Variants in XKR7 observed in about 807,000 individuals in gnomAD.
XKR7 encodes XK related 7.
In XKR7, 11 loss-of-function variants were observed where a neutral mutation model predicts 42.2. That is an observed-to-expected ratio of 0.26 (90% CI 0.16 to 0.43). The LOEUF (loss-of-function observed/expected upper bound fraction) is 0.43, where lower values mean the gene tolerates loss of function less well. XKR7 is among the 20% of genes least tolerant of loss of function. XKR7 has a pLI of 1.00. For missense variants in XKR7, 710 were observed against 802.2 expected (o/e 0.89, Z 1.39); for synonymous variants, 346 against 366.4 (o/e 0.94, Z 0.64).
At chr20:31,996,257 C>A (rs1254285528) in intron 2 of XKR7, among the ~76,000 whole-genome samples, 1 of 151,884 alleles carries the variant, frequency 6.6e-6, no homozygotes. Flanking sequence ...GCCAAACCCC[C>A]ATCTTCGTCT....
chr20:31,986,655 G>C (rs1039746310), intron 1 of XKR7, among the ~76,000 whole-genome samples: 28 of 140,418 alleles, frequency 2.0e-4, no homozygotes, highest in African/African-American at 7.5e-4. Flanking sequence ...CCACCAAACA[G>C]ACCAAGCATC....
chr20:31,986,617 T>G (rs1013250461), intron 1 of XKR7, among the ~76,000 whole-genome samples: 1 of 64,894 alleles, frequency 1.5e-5, no homozygotes, highest in South Asian at 5.2e-4. Flanking sequence ...ACCAAACAGA[T>G]CCAACATCCA....
At chr20:31,992,341 G>A (rs998179948) in intron 1 of XKR7, among the ~76,000 whole-genome samples, 4 of 152,176 alleles carry the variant, frequency 2.6e-5, no homozygotes, top group African/African-American at 9.7e-5. Context: ...TATGTGTGGG[G>A]TAAGCAGGAG....
At chr20:31,985,030 TGTC>T (rs1439111754) in intron 1 of XKR7, among the ~76,000 whole-genome samples, 3 of 152,368 alleles carry the variant, frequency 2.0e-5, no homozygotes, top group Non-Finnish European at 4.4e-5. Flanking sequence ...CAGCACAGCC[TGTC>T]ATCCAGCTGG....
intron 1 of XKR7, among the ~76,000 whole-genome samples, chr20:31,993,294 C>T (rs539817381): frequency 4.6e-5 from 7 of 152,202 alleles, no homozygotes; most frequent in Middle Eastern, 3.4e-3. Context: ...AGCTTCTGGG[C>T]AAGGAACCAG....
chr20:31,988,418 A>G (rs576378103), intron 1 of XKR7, among the ~76,000 whole-genome samples: 1 of 152,198 alleles, frequency 6.6e-6, no homozygotes, highest in South Asian at 2.1e-4. Flanking sequence ...TGGGGTTCAG[A>G]AGAGACAGGT....
chr20:31,984,129 C>T (rs182571538), intron 1 of XKR7, among the ~76,000 whole-genome samples: 5 of 151,620 alleles, frequency 3.3e-5, no homozygotes, highest in East Asian at 1.9e-4. Context: ...GGCGTGGTGG[C>T]GCACACCCGT....
At position 31,999,837 on chromosome 20, in the gene XKR7, T is replaced by C. The variant is rs530477199; in HGVS notation, c.*2380T>C. 3 of 152,340 alleles carry C rather than the reference T, an allele frequency of 2.0e-5. No homozygotes were observed. In the East Asian group the frequency reaches 5.8e-4, roughly 29 times the overall value. The allele number at this position is 152,340 out of a possible 1,614,324, so 9.4% of individuals were successfully genotyped here. On this transcript the variant is annotated 3_prime_UTR_variant, in exon 3 of 3. Coordinates refer to ENST00000562532, the MANE Select transcript of XKR7 (RefSeq NM_001011718.2). ...TGGCAAGTTATTCTCCTCCCCAGTATCCCAGAATGGCCCATCTGGCTGCTG... is the reference window on the plus strand; with the variant it reads ...TGGCAAGTTATTCTCCTCCCCAGTACCCCAGAATGGCCCATCTGGCTGCTG...
intron 1 of XKR7, among the ~76,000 whole-genome samples, chr20:31,986,218 T>C (rs1382344127): frequency 1.0e-4 from 8 of 76,464 alleles, no homozygotes; most frequent in East Asian, 4.6e-4. Flanking sequence ...ACAGATCCAG[T>C]ATCCAAGGCA....
intron 1 of XKR7, among the ~76,000 whole-genome samples, chr20:31,990,177 TGC>T (rs1555861391): frequency 2.9e-5 from 4 of 136,330 alleles, no homozygotes; most frequent in East Asian, 2.0e-4. Context: ...TTAAATTCAT[TGC>T]GTGTGTGTGT....
At position 31,978,901 on chromosome 20, in the gene XKR7, G is replaced by A. The variant is rs556642204; in HGVS notation, c.584+10142G>A. 3.3e-5 allele frequency among the ~76,000 whole-genome samples: 5 copies of A among 152,212 alleles called. No homozygotes were observed. In the East Asian group the frequency reaches 9.7e-4, roughly 29 times the overall value. On this transcript the variant is annotated intron_variant, in intron 1 of 2. Coordinates refer to ENST00000562532, the MANE Select transcript of XKR7 (RefSeq NM_001011718.2). ...TGTAATCCCAGCACTTTGGGAGGCC[G>A]AGGTGGGAAGATCACTTGAGGTCAG... is the stretch of plus-strand genomic sequence containing the variant.
intron 1 of XKR7, among the ~76,000 whole-genome samples, chr20:31,978,307 A>G (rs1309476285): frequency 6.6e-6 from 1 of 152,100 alleles, no homozygotes; most frequent in Non-Finnish European, 1.5e-5. Context: ...GCAGGGTCTC[A>G]CTATATTGCC....
chr20:32,000,674 G>A lies in XKR7; in HGVS notation c.*3217G>A, dbSNP rs1423967861. ...TGCCCTCAGTTACCTCTAACCCCAG[G>A]AGACCAGTGTCCCCATCTCCAGGGC... On this transcript the variant is annotated 3_prime_UTR_variant, in exon 3 of 3. Coordinates refer to ENST00000562532, the MANE Select transcript of XKR7 (RefSeq NM_001011718.2). The A allele has an allele frequency of 2.6e-5, 4 of 152,364 alleles. No homozygotes were observed. The highest frequency in any genetic ancestry group is 7.2e-5 in the African/African-American group (3 of 41,540). The allele number at this position is 152,364 out of a possible 1,614,324, so 9.4% of individuals were successfully genotyped here.
In XKR7 at chr20:31,992,021, G is replaced by A. The variant is rs59446205; in HGVS notation, c.585-3047G>A. On this transcript the variant is annotated intron_variant, in intron 1 of 2. Coordinates refer to ENST00000562532, the MANE Select transcript of XKR7 (RefSeq NM_001011718.2). Reference sequence around the variant, plus strand: ...AATCCCAGCTACTCGGGAGGCTGAGGCAGGAGAATCGCTTGAACTCTGGAA... The same window carrying A: ...AATCCCAGCTACTCGGGAGGCTGAGACAGGAGAATCGCTTGAACTCTGGAA... Among the ~76,000 whole-genome samples, 865 of 152,290 alleles carry A rather than the reference G, an allele frequency of 5.7e-3. 19 individuals are homozygous for A. The highest frequency in any genetic ancestry group is 0.036 in the Admixed American group (554 of 15,296).
Position 32,002,879 on chromosome 20 carries a change from G to A in XKR7, c.*5422G>A, listed in dbSNP as rs1170705441. ...TGGGACCCCACGTTGGGAATCAATG[G>A]TTTAGACATCCAGCATCCTATTTTA... On this transcript the variant is annotated 3_prime_UTR_variant, in exon 3 of 3. Transcript: ENST00000562532. 6.6e-6 allele frequency: 1 copy of A among 152,176 alleles called. No homozygotes were observed. The highest frequency in any genetic ancestry group is 1.9e-4 in the East Asian group (1 of 5,192). The allele number at this position is 152,176 out of a possible 1,614,324, so 9.4% of individuals were successfully genotyped here. A position where few individuals can be genotyped will look rare whatever the true frequency, so the allele number is the denominator to read the frequency against.
intron 1 of XKR7, among the ~76,000 whole-genome samples, chr20:31,975,546 C>T (rs535808136): frequency 6.6e-6 from 1 of 152,250 alleles, no homozygotes; most frequent in South Asian, 2.1e-4. Flanking sequence ...ACCCTCTGCC[C>T]CCCAGAAACC....
chr20:31,980,441 T>C (rs1457656961), intron 1 of XKR7, among the ~76,000 whole-genome samples: 1 of 152,168 alleles, frequency 6.6e-6, no homozygotes, highest in Non-Finnish European at 1.5e-5. Flanking sequence ...GGGAACCCAA[T>C]GTTTCCTAGA....
In XKR7 at chr20:31,995,295, C is replaced by G. The variant is rs543874255; in HGVS notation, c.787+25C>G. 4 of 1,532,776 alleles carry G rather than the reference C, an allele frequency of 2.6e-6. No homozygotes were observed. In the South Asian group the frequency reaches 4.8e-5, roughly 18 times the overall value. 94.9% of individuals were successfully genotyped at this position (1,532,776 alleles called of 1,614,324 possible). A position where few individuals can be genotyped will look rare whatever the true frequency, so the allele number is the denominator to read the frequency against. On this transcript the variant is annotated intron_variant, in intron 2 of 2. Coordinates refer to ENST00000562532, the MANE Select transcript of XKR7 (RefSeq NM_001011718.2). This position sits in a 1 kb window ranked among gnomAD's most constrained non-coding sequence, Gnocchi z 4.1. ...GGTGAGCCCGCCCCTTCACCCTCTGCGCCTGGGACCACCCCACCGGGCCTT... is the reference window on the plus strand; with the variant it reads ...GGTGAGCCCGCCCCTTCACCCTCTGGGCCTGGGACCACCCCACCGGGCCTT...
intron 1 of XKR7, among the ~76,000 whole-genome samples, chr20:31,983,981 C>T (rs1053851613): frequency 1.7e-4 from 25 of 147,708 alleles, no homozygotes; most frequent in African/African-American, 4.9e-4. Flanking sequence ...AAATAAATAG[C>T]GGGGAGTGGA....
Sources: allele counts gnomAD v4.1 joint callset (sites outside exome capture counted in the v4.1 genomes callset), GRCh38; gene constraint gnomAD v4.1.1; non-coding constraint Gnocchi (gnomAD v3.1); transcripts MANE v1.5; gene names NCBI Gene and HGNC (gene_info 2026-07-23, HGNC 2026-07-21).